ZC3H11A: variants seen among roughly 807,000 people sequenced by gnomAD.
ZC3H11A encodes zinc finger CCCH-type containing 11A.
In ZC3H11A, 22 loss-of-function variants were observed where a neutral mutation model predicts 90.8. The observed-to-expected ratio is 0.24, with a 90% CI of 0.17 to 0.35. The LOEUF (loss-of-function observed/expected upper bound fraction) is 0.35, where lower values mean the gene tolerates loss of function less well. Among genes scored for constraint, ZC3H11A ranks in the 10% least tolerant of loss-of-function variants. ZC3H11A has a pLI of 1.00. For synonymous variants in ZC3H11A, 294 were observed against 339.8 expected (o/e 0.87, Z 1.48); for missense variants, 701 against 964.9 (o/e 0.73, Z 3.62).
At chr1:203,814,134 T>C (rs1015802409) in intron 2 of ZC3H11A, among the ~76,000 whole-genome samples, 5 of 152,196 alleles carry the variant, frequency 3.3e-5, no homozygotes, top group Non-Finnish European at 5.9e-5. Flanking sequence ...ACACTTTGCT[T>C]AGAAATCTCC....
rs571591961 is a variant in ZC3H11A, at chr1:203,823,011, A to G, written c.174+4322A>G. 3.9e-5 allele frequency among the ~76,000 whole-genome samples: 6 copies of G among 152,348 alleles called. No homozygotes were observed. In the South Asian group the frequency reaches 1.0e-3, roughly 26 times the overall value. On this transcript the variant is annotated intron_variant, in intron 4 of 17. Transcript: ENST00000367210. ...TACATTCTAAGCTACCTATCTTGCA[A>G]ATAGCAGCAGATATCAAATAAATTG...
chr1:203,797,293 A>T (rs1668867703), intron 1 of ZC3H11A: 1 of 356,472 alleles, frequency 2.8e-6, no homozygotes, highest in Non-Finnish European at 5.0e-6. Flanking sequence ...AGAACTTAGA[A>T]AATTGGAAGG....
intron 13 of ZC3H11A, 67 bp downstream of exon 13, chr1:203,847,754 A>G (rs908687387): frequency 6.4e-6 from 10 of 1,552,504 alleles, no homozygotes; most frequent in Non-Finnish European, 8.7e-6. Flanking sequence ...GTTCCGTGGG[A>G]TCTTCCTAGG....
rs185968776 is a variant in ZC3H11A at position 203,819,989 on chromosome 1, C to G, written c.174+1300C>G. On this transcript the variant is annotated intron_variant, in intron 4 of 17. Coordinates refer to ENST00000367210, the MANE Select transcript of ZC3H11A (RefSeq NM_001376342.1). Reference sequence around the variant, plus strand: ...CAGTGGCTCACGCCTGTAATCCCAGCACTTTACTAGGCTGAGGCGGGTGAA... The same window carrying G: ...CAGTGGCTCACGCCTGTAATCCCAGGACTTTACTAGGCTGAGGCGGGTGAA... Among the ~76,000 whole-genome samples, 520 of 151,870 alleles carry G rather than the reference C, an allele frequency of 3.4e-3. 2 individuals carry two copies. The highest frequency in any genetic ancestry group is 0.031 in the Middle Eastern group (9 of 292).
At chr1:203,814,630 C>G (rs1675641466) in intron 2 of ZC3H11A, among the ~76,000 whole-genome samples, 1 of 152,186 alleles carries the variant, frequency 6.6e-6, no homozygotes, top group South Asian at 2.1e-4. Context: ...CGTTCATATG[C>G]TTTAGCAGCA....
intron 4 of ZC3H11A, 90 bp downstream of exon 4, chr1:203,818,779 AT>A (rs1677215525): frequency 6.3e-7 from 1 of 1,589,422 alleles, no homozygotes; most frequent in Non-Finnish European, 8.6e-7. Flanking sequence ...CTTTTAAAAA[AT>A]ATATTAAGGC....
intron 1 of ZC3H11A, chr1:203,798,164 C>G: frequency 2.0e-6 from 3 of 1,536,102 alleles, no homozygotes; most frequent in Non-Finnish European, 2.6e-6. Flanking sequence ...GCAATGGAAG[C>G]TTTGAATATA....
chr1:203,838,094 G>A lies in ZC3H11A; in HGVS notation c.973+30G>A, dbSNP rs373388039. ...CTGTGTTCTTACATACTTTGTGTGTGTATGTAATTATGACACTTGTGTCTT... is the reference window on the plus strand; with the variant it reads ...CTGTGTTCTTACATACTTTGTGTGTATATGTAATTATGACACTTGTGTCTT... On this transcript the variant is annotated intron_variant, in intron 11 of 17. Transcript: ENST00000367210. The A allele has an allele frequency of 1.6e-4, 249 of 1,598,080 alleles. No homozygotes were observed. The African/African-American group carries it at 3.1e-3, about 20-fold the overall frequency.
chr1:203,845,994 A>G (rs954843933), intron 12 of ZC3H11A, among the ~76,000 whole-genome samples: 25 of 151,574 alleles, frequency 1.6e-4, no homozygotes, highest in Non-Finnish European at 3.1e-4. Flanking sequence ...TTAAGATTTC[A>G]GACTGGGTAT....
intron 2 of ZC3H11A, among the ~76,000 whole-genome samples, chr1:203,814,175 G>T (rs1193434339): frequency 6.6e-6 from 1 of 152,032 alleles, no homozygotes; most frequent in Non-Finnish European, 1.5e-5. Context: ...TTGCTTCCAG[G>T]TTCTGCCTTC....
intron 5 of ZC3H11A, 74 bp from the exon 6 acceptor site, chr1:203,829,377 A>G: frequency 6.9e-7 from 1 of 1,452,232 alleles, no homozygotes. Flanking sequence ...TAGTTTTCAT[A>G]GGTGGTCAGG....
At position 203,822,438 on chromosome 1, in the gene ZC3H11A, C is replaced by T. The variant is rs371932891; in HGVS notation, c.174+3749C>T. 1.4e-4 allele frequency among the ~76,000 whole-genome samples: 22 copies of T among 152,028 alleles called. No individual in the cohort carries two copies. The South Asian group carries it at 4.2e-3, about 29-fold the overall frequency. ...AACATCCTACTTTTGACCCCCAACA[C>T]GATCCCTATAATGGATACTGTTTTC... is the stretch of plus-strand genomic sequence containing the variant. On this transcript the variant is annotated intron_variant, in intron 4 of 17. Transcript: ENST00000367210.
At chr1:203,847,083 T>C in intron 12 of ZC3H11A, 101 bp from the exon 13 acceptor site, 2 of 1,248,806 alleles carry the variant, frequency 1.6e-6, no homozygotes, top group Non-Finnish European at 1.1e-6. Context: ...GCTTAAATGA[T>C]AGCTCTCTGT....
rs1177054273 is a variant in ZC3H11A, at chr1:203,826,375, ATAATAAT to A, written c.175-1919_175-1913del. 2.7e-5 allele frequency among the ~76,000 whole-genome samples: 4 copies of A among 148,624 alleles called. No homozygotes were observed. In the East Asian group the frequency reaches 9.3e-4, roughly 34 times the overall value. On this transcript the variant is annotated intron_variant, in intron 4 of 17. Coordinates refer to ENST00000367210, the MANE Select transcript of ZC3H11A (RefSeq NM_001376342.1). ...AAAATTAATAAATAAATATTGATTA[ATAATAAT>A]TAATTCTTTTTAAAAATTATACTTT...
intron 1 of ZC3H11A, chr1:203,800,232 C>A: frequency 7.4e-7 from 1 of 1,351,870 alleles, no homozygotes; most frequent in Non-Finnish European, 1.0e-6. Flanking sequence ...GGTTGCCATC[C>A]AGTATCTAAG....
chr1:203,812,718 A>T (rs1674933148), intron 2 of ZC3H11A, among the ~76,000 whole-genome samples: 1 of 150,848 alleles, frequency 6.6e-6, no homozygotes, highest in South Asian at 2.1e-4. Flanking sequence ...AGTAGCTGGG[A>T]TTACAGGTGT....
At chr1:203,827,920 G>A (rs566917968) in intron 4 of ZC3H11A, among the ~76,000 whole-genome samples, 24 of 152,312 alleles carry the variant, frequency 1.6e-4, no homozygotes, top group African/African-American at 5.1e-4. Context: ...GCTAAGGAAA[G>A]TGAGGCTTAG....
At chr1:203,814,684 A>G (rs1037300328) in intron 2 of ZC3H11A, among the ~76,000 whole-genome samples, 1 of 152,150 alleles carries the variant, frequency 6.6e-6, no homozygotes, top group African/African-American at 2.4e-5. Flanking sequence ...AAAGTCTTCC[A>G]GCCTCCACCT....
In ZC3H11A at chr1:203,829,818, A is replaced by C. The variant is rs761618531; in HGVS notation, c.541A>C (p.Thr181Pro). Residue 181 changes from threonine (T) to proline (P), a missense_variant, in exon 7 of 18, where the codon ACC (threonine) becomes CCC (proline). Thr to Pro is a conservative substitution (Grantham distance 38). Coordinates refer to ENST00000367210, the MANE Select transcript of ZC3H11A (RefSeq NM_001376342.1). The part of the protein sequence containing the change: ...SEEGDETKTP[T>P]LQPTPEVHNG... Reference sequence around the variant, plus strand: ...GGAAGGTGATGAAACCAAAACACCTACCCTGCAACCAACTCCTGAAGTTCA... The same window carrying C: ...GGAAGGTGATGAAACCAAAACACCTCCCCTGCAACCAACTCCTGAAGTTCA... The C allele has an allele frequency of 3.7e-5, 59 of 1,614,018 alleles. No homozygotes were observed. The highest frequency in any genetic ancestry group is 4.9e-5 in the Non-Finnish European group (58 of 1,180,006).
Sources: gnomAD v4.1 joint callset for allele counts (sites outside exome capture counted in the v4.1 genomes callset) on GRCh38, gnomAD v4.1.1 for gene constraint, MANE v1.5 for transcripts, NCBI Gene and HGNC (gene_info 2026-07-23, HGNC 2026-07-21) for gene names.